PRKN: variants seen among roughly 807,000 people sequenced by gnomAD.
PRKN encodes the protein parkin RBR E3 ubiquitin protein ligase, also known as E3 ubiquitin-protein ligase parkin.
Under a neutral mutation model 59.5 loss-of-function variants are expected in PRKN, and 56 were observed. The observed-to-expected ratio is 0.94, with a 90% CI of 0.76 to 1.18. PRKN has a LOEUF of 1.18. PRKN is among the 50% of genes most tolerant of loss of function. PRKN has a pLI of 0.00. For missense variants in PRKN, 657 were observed against 596.4 expected (o/e 1.10, Z -1.06); for synonymous variants, 250 against 222.1 (o/e 1.13, Z -1.12).
chr6:162,003,654 C>T (rs1365766181), intron 5 of PRKN, among the ~76,000 whole-genome samples: 1 of 152,106 alleles, frequency 6.6e-6, no homozygotes. Flanking sequence ...TTGCAGTTTA[C>T]TATATCACTG....
intron 1 of PRKN, among the ~76,000 whole-genome samples, chr6:162,459,226 T>C (rs1479141619): frequency 6.6e-6 from 1 of 152,152 alleles, no homozygotes; most frequent in Non-Finnish European, 1.5e-5. Flanking sequence ...GTAGAGATAC[T>C]ACATGCAATC....
chr6:162,635,583 T>C (rs1324947374), intron 1 of PRKN, among the ~76,000 whole-genome samples: 2 of 106,102 alleles, frequency 1.9e-5, no homozygotes, highest in African/African-American at 4.4e-5. Context: ...TTATTAAGTT[T>C]TCTTATTTTA....
chr6:162,727,637 C>A, intron 1 of PRKN, 25 bp downstream of exon 1: 2 of 1,582,594 alleles, frequency 1.3e-6, no homozygotes, highest in Non-Finnish European at 1.7e-6. Context: ...CGCAGAGAGG[C>A]TGTACCTGGC....
At position 161,417,502 on chromosome 6, in the gene PRKN, T is replaced by A. The variant is rs541111975; in HGVS notation, c.1084-30625A>T. 1.1e-4 allele frequency among the ~76,000 whole-genome samples: 16 copies of A among 152,078 alleles called. No homozygotes were observed. Among genetic ancestry groups the A allele is most frequent in the Admixed American group, 7.2e-4 (11 of 15,284 alleles). On this transcript the variant is annotated intron_variant, in intron 9 of 11. Coordinates refer to ENST00000366898, the MANE Select transcript of PRKN (RefSeq NM_004562.3). This position sits in a 1 kb window ranked among gnomAD's most constrained non-coding sequence, Gnocchi z 5.4. ...CCTCCAAGACCACACGCTATTGATT[T>A]AATCTCTGAATTAAAGGTCTCTGAA...
intron 4 of PRKN, among the ~76,000 whole-genome samples, chr6:162,141,289 T>C (rs1420803149): frequency 1.3e-5 from 2 of 152,190 alleles, no homozygotes; most frequent in Non-Finnish European, 2.9e-5. Flanking sequence ...TTCTGGGTTT[T>C]TAATAAAAAT....
chr6:161,532,680 G>A (rs775888111), intron 9 of PRKN, among the ~76,000 whole-genome samples: 7 of 152,156 alleles, frequency 4.6e-5, no homozygotes, highest in South Asian at 2.1e-4. Flanking sequence ...GTTACGAGAC[G>A]GGAGAGACGC....
At chr6:162,504,696 T>A (rs761776887) in intron 1 of PRKN, among the ~76,000 whole-genome samples, 11 of 152,264 alleles carry the variant, frequency 7.2e-5, no homozygotes, top group Admixed American at 2.0e-4. Flanking sequence ...AAAAAAGAAC[T>A]GATACATTTG....
chr6:162,611,293 A>G (rs1235194844), intron 1 of PRKN, among the ~76,000 whole-genome samples: 1 of 152,196 alleles, frequency 6.6e-6, no homozygotes, highest in Non-Finnish European at 1.5e-5. Flanking sequence ...TGCTTTTCAA[A>G]TATTTGGATG....
At chr6:162,059,373 T>C (rs1778002635) in intron 4 of PRKN, among the ~76,000 whole-genome samples, 1 of 152,244 alleles carries the variant, frequency 6.6e-6, no homozygotes, top group Non-Finnish European at 1.5e-5. Flanking sequence ...GTGTGAATGC[T>C]ATGGCTATCC....
intron 1 of PRKN, among the ~76,000 whole-genome samples, chr6:162,657,472 A>C (rs1778686443): frequency 6.6e-6 from 1 of 152,164 alleles, no homozygotes; most frequent in African/African-American, 2.4e-5. Flanking sequence ...TTCATTTAAT[A>C]ATTCCAACAA....
intron 1 of PRKN, among the ~76,000 whole-genome samples, chr6:162,645,808 G>C (rs1465564313): frequency 6.7e-6 from 1 of 149,124 alleles, no homozygotes; most frequent in Admixed American, 6.7e-5. Context: ...CCCCATTCTT[G>C]TCATTTCCAG....
intron 9 of PRKN, among the ~76,000 whole-genome samples, chr6:161,489,783 A>G (rs1366336179): frequency 6.6e-6 from 1 of 152,190 alleles, no homozygotes; most frequent in Non-Finnish European, 1.5e-5. Context: ...GAAGGATGAC[A>G]TTGTTTTCAA....
At chr6:161,740,800 T>C (rs1788154512) in intron 7 of PRKN, among the ~76,000 whole-genome samples, 1 of 152,178 alleles carries the variant, frequency 6.6e-6, no homozygotes, top group Non-Finnish European at 1.5e-5. Context: ...GCAATAACTT[T>C]TAGTAAAACA....
At chr6:161,997,013 C>T (rs1781873041) in intron 5 of PRKN, among the ~76,000 whole-genome samples, 1 of 152,024 alleles carries the variant, frequency 6.6e-6, no homozygotes, top group Non-Finnish European at 1.5e-5. Context: ...CCTAGTCTAC[C>T]TCTATACACA....
At chr6:162,119,841 G>T (rs1780830117) in intron 4 of PRKN, among the ~76,000 whole-genome samples, 1 of 152,102 alleles carries the variant, frequency 6.6e-6, no homozygotes, top group Admixed American at 6.5e-5. Flanking sequence ...CCAATATCTT[G>T]CCAATCACTC....
intron 4 of PRKN, among the ~76,000 whole-genome samples, chr6:162,140,760 T>G (rs1781744002): frequency 6.6e-6 from 1 of 152,198 alleles, no homozygotes; most frequent in Non-Finnish European, 1.5e-5. Flanking sequence ...TTTACTATTA[T>G]AAAGGCCATG....
chr6:162,505,192 A>G (rs186417750), intron 1 of PRKN, among the ~76,000 whole-genome samples: 21 of 152,304 alleles, frequency 1.4e-4, no homozygotes, highest in Admixed American at 1.2e-3. Flanking sequence ...CTTCGTACCT[A>G]TGTTCTAGGG....
At chr6:161,770,446 T>C (rs1346298458) in intron 7 of PRKN, among the ~76,000 whole-genome samples, 1 of 142,918 alleles carries the variant, frequency 7.0e-6, no homozygotes, top group Non-Finnish European at 1.5e-5. Flanking sequence ...TATTTGGCAA[T>C]AGAGCCTTTA....
At chr6:162,025,873 G>GA (rs1783415783) in intron 5 of PRKN, among the ~76,000 whole-genome samples, 1 of 151,932 alleles carries the variant, frequency 6.6e-6, no homozygotes, top group Non-Finnish European at 1.5e-5. Flanking sequence ...ACAGACATGA[G>GA]GCACTGCCCC....
Sources: allele counts gnomAD v4.1 joint callset (sites outside exome capture counted in the v4.1 genomes callset), GRCh38; gene constraint gnomAD v4.1.1; non-coding constraint Gnocchi (gnomAD v3.1); transcripts MANE v1.5; gene names NCBI Gene and HGNC (gene_info 2026-07-23, HGNC 2026-07-21).